Variants in FARS2 observed in about 807,000 individuals in gnomAD.
The protein encoded by FARS2 is phenylalanyl-tRNA synthetase 2, mitochondrial.
A neutral mutation model predicts 46.4 loss-of-function variants in FARS2; 40 were observed. The observed-to-expected ratio is 0.86, with a 90% CI of 0.67 to 1.12. The LOEUF (loss-of-function observed/expected upper bound fraction) is 1.12, where lower values mean the gene tolerates loss of function less well. Ranked by LOEUF, FARS2 falls within the 50% of genes most tolerant of loss-of-function variation. FARS2 has a pLI of 0.00. For missense variants in FARS2, 513 were observed against 567.9 expected (o/e 0.90, Z 0.98); for synonymous variants, 234 against 214.9 (o/e 1.09, Z -0.78).
chr6:5,566,539 C>T (rs9392697), intron 5 of FARS2, among the ~76,000 whole-genome samples: 31,735 of 151,980 alleles, frequency 0.21, 5,161 homozygotes, highest in African/African-American at 0.44. Context: ...CCCAGAAGTC[C>T]CATACTACCA....
intron 1 of FARS2, among the ~76,000 whole-genome samples, chr6:5,277,715 T>C (rs919919664): frequency 2.0e-5 from 3 of 152,254 alleles, no homozygotes. Context: ...GAAAGATATT[T>C]TGGGGACTTT....
chr6:5,769,019 T>A (rs914376069), intron 6 of FARS2, among the ~76,000 whole-genome samples: 2 of 152,242 alleles, frequency 1.3e-5, no homozygotes, highest in Non-Finnish European at 2.9e-5. Flanking sequence ...TTTTTTCACC[T>A]GTGCTTTTGG....
Position 5,662,674 on chromosome 6 carries a change from G to A in FARS2, c.1217+49354G>A, listed in dbSNP as rs79340417. On this transcript the variant is annotated intron_variant, in intron 6 of 6. Transcript: ENST00000274680. ...ATCAAAACTATAATTATCTTAGAAA[G>A]TTATGCAAATTAGTCAAGTGTTAAG... 7.6e-3 allele frequency among the ~76,000 whole-genome samples: 1,151 copies of A among 152,302 alleles called. 10 individuals carry two copies. Among genetic ancestry groups the A allele is most frequent in the Middle Eastern group, 0.044 (13 of 294 alleles).
At position 5,764,700 on chromosome 6, in the gene FARS2, G is replaced by A. The variant is rs187875360; in HGVS notation, c.1218-6591G>A. Among the ~76,000 whole-genome samples the A allele has an allele frequency of 1.8e-4, 28 of 152,322 alleles. No individual in the cohort carries two copies. Among genetic ancestry groups the A allele is most frequent in the Middle Eastern group, 6.8e-3 (2 of 294 alleles). On this transcript the variant is annotated intron_variant, in intron 6 of 6. Coordinates refer to ENST00000274680, the MANE Select transcript of FARS2 (RefSeq NM_006567.5). The surrounding 1 kb of genome is among the most constrained non-coding windows in gnomAD (Gnocchi z 4.1). ...AACATGAAGTCGCTGCTCTGTCACAGATGGAGAAGCAGACTATTGTGGATG... is the reference window on the plus strand; with the variant it reads ...AACATGAAGTCGCTGCTCTGTCACAAATGGAGAAGCAGACTATTGTGGATG...
chr6:5,766,664 A>C (rs1391429643), intron 6 of FARS2, among the ~76,000 whole-genome samples: 2 of 152,220 alleles, frequency 1.3e-5, no homozygotes, highest in Non-Finnish European at 2.9e-5. Flanking sequence ...TATTATTTTA[A>C]TTGAGGAAAA....
intron 4 of FARS2, among the ~76,000 whole-genome samples, chr6:5,433,949 A>T (rs191556599): frequency 6.6e-5 from 10 of 152,330 alleles, no homozygotes; most frequent in Non-Finnish European, 2.9e-5. Context: ...TTGCACGTTA[A>T]TGAGGCTGCT....
chr6:5,359,412 C>T (rs1453674627), intron 1 of FARS2, among the ~76,000 whole-genome samples: 1 of 152,180 alleles, frequency 6.6e-6, no homozygotes, highest in Non-Finnish European at 1.5e-5. Context: ...TTGCTTCCCT[C>T]ACTACTTTTC....
intron 6 of FARS2, among the ~76,000 whole-genome samples, chr6:5,618,791 CA>C (rs1006539153): frequency 6.6e-6 from 1 of 152,114 alleles, no homozygotes; most frequent in East Asian, 1.9e-4. Flanking sequence ...CTTAATGTAA[CA>C]AAAAATAGAA....
upstream of FARS2, among the ~76,000 whole-genome samples, chr6:5,257,590 G>A (rs566829541): frequency 1.1e-4 from 16 of 152,326 alleles, no homozygotes; most frequent in East Asian, 1.3e-3. Context: ...GCAGTTGAGC[G>A]GTGGGTGAGT....
At chr6:5,326,314 CTTCTG>C (rs1770377789) in intron 1 of FARS2, among the ~76,000 whole-genome samples, 1 of 152,238 alleles carries the variant, frequency 6.6e-6, no homozygotes, top group Admixed American at 6.5e-5. Flanking sequence ...AAGGACATTT[CTTCTG>C]TTCTGAGTAG....
chr6:5,690,831 A>G (rs181547575), intron 6 of FARS2, among the ~76,000 whole-genome samples: 112 of 152,360 alleles, frequency 7.4e-4, no homozygotes, highest in Admixed American at 2.1e-3. Flanking sequence ...ACTTTCAAGT[A>G]CACCAATCAG....
At chr6:5,260,525 T>C, upstream of FARS2, 1 of 1,341,418 alleles carries the variant, frequency 7.5e-7, no homozygotes, top group Non-Finnish European at 1.0e-6. Flanking sequence ...GCCCGGTCCT[T>C]GCCTCGCAGC....
chr6:5,723,792 A>C (rs1760065905), intron 6 of FARS2, among the ~76,000 whole-genome samples: 1 of 152,240 alleles, frequency 6.6e-6, no homozygotes, highest in African/African-American at 2.4e-5. Flanking sequence ...GTAAGAAAAC[A>C]AAATGAAATT....
At chr6:5,441,094 G>A (rs1022492813) in intron 4 of FARS2, among the ~76,000 whole-genome samples, 3 of 152,004 alleles carry the variant, frequency 2.0e-5, no homozygotes, top group Admixed American at 2.0e-4. Context: ...GCTAATTTTT[G>A]TATTTTTAGT....
rs373798186 is a variant in FARS2 at position 5,302,844 on chromosome 6, C to T, written c.-22+41184C>T. On this transcript the variant is annotated intron_variant, in intron 1 of 6. Coordinates refer to ENST00000274680, the MANE Select transcript of FARS2 (RefSeq NM_006567.5). ...ACGCTGAGTTCAGGACTGAGATCAG[C>T]ATAAGGAGGGCTGAGCAACAGAGAG... is the stretch of plus-strand genomic sequence containing the variant. Among the ~76,000 whole-genome samples, 7 of 152,042 alleles carry T rather than the reference C, an allele frequency of 4.6e-5. No homozygotes were observed. In the East Asian group the frequency reaches 1.4e-3, roughly 29 times the overall value.
At chr6:5,646,442 A>G (rs754786808) in intron 6 of FARS2, among the ~76,000 whole-genome samples, 1 of 151,818 alleles carries the variant, frequency 6.6e-6, no homozygotes, top group Non-Finnish European at 1.5e-5. Context: ...CTCATGGTCC[A>G]CTCCAGCATT....
In FARS2 at chr6:5,582,533, C is replaced by T. The variant is rs116135441; in HGVS notation, c.1066-30636C>T. On this transcript the variant is annotated intron_variant, in intron 5 of 6. Coordinates refer to ENST00000274680, the MANE Select transcript of FARS2 (RefSeq NM_006567.5). Reference sequence around the variant, plus strand: ...TTAGAGAATTTAGACATCTGTCCTACGGTACACAACTATCAGGTGGCCCAT... The same window carrying T: ...TTAGAGAATTTAGACATCTGTCCTATGGTACACAACTATCAGGTGGCCCAT... Among the ~76,000 whole-genome samples the T allele has an allele frequency of 8.3e-3, 1,257 of 152,336 alleles. 9 individuals are homozygous for T. Among genetic ancestry groups the T allele is most frequent in the South Asian group, 0.016 (77 of 4,826 alleles).
chr6:5,442,399 G>GCA, intron 4 of FARS2, among the ~76,000 whole-genome samples: 1 of 129,036 alleles, frequency 7.7e-6, no homozygotes, highest in Non-Finnish European at 1.7e-5. Context: ...AATGGAATGT[G>GCA]TATATATATA....
At chr6:5,394,279 G>A (rs1760760492) in intron 2 of FARS2, among the ~76,000 whole-genome samples, 1 of 152,134 alleles carries the variant, frequency 6.6e-6, no homozygotes, top group Non-Finnish European at 1.5e-5. Flanking sequence ...TATGACAATG[G>A]TCCCACAAGA....
Sources: gnomAD v4.1 joint callset for allele counts (sites outside exome capture counted in the v4.1 genomes callset) on GRCh38, gnomAD v4.1.1 for gene constraint, Gnocchi (gnomAD v3.1) non-coding constraint, MANE v1.5 for transcripts, NCBI Gene and HGNC (gene_info 2026-07-23, HGNC 2026-07-21) for gene names.